Variants in NSG2 observed in about 807,000 individuals in gnomAD.
The protein encoded by NSG2 is neuronal vesicle trafficking-associated protein 2.
NSG2 carries 4 observed loss-of-function variants against 16.9 expected under a neutral mutation model. That is an observed-to-expected ratio of 0.24 (90% CI 0.12 to 0.54). The LOEUF (loss-of-function observed/expected upper bound fraction) is 0.54, where lower values mean the gene tolerates loss of function less well. NSG2 is among the 20% of genes least tolerant of loss of function. The pLI, the probability that NSG2 is intolerant of heterozygous loss-of-function variation, is 0.95. For synonymous variants in NSG2, 98 were observed against 88.7 expected (o/e 1.11, Z -0.59); for missense variants, 179 against 221.1 (o/e 0.81, Z 1.21).
rs1761011131 is a variant in NSG2, at chr5:174,107,860, A to C, written c.*355A>C. 1 of 427,000 alleles carries C rather than the reference A, an allele frequency of 2.3e-6. No individual in the cohort carries two copies. Among genetic ancestry groups the C allele is most frequent in the Non-Finnish European group, 4.6e-6 (1 of 217,626 alleles). 26.5% of individuals were successfully genotyped at this position (427,000 alleles called of 1,614,324 possible). A position where few individuals can be genotyped will look rare whatever the true frequency, so the allele number is the denominator to read the frequency against. Reference sequence around the variant, plus strand: ...ACAAAGAACATGAACAAAAAGCATTAAACTGGCTCCATCAGAAGACGTTGA... The same window carrying C: ...ACAAAGAACATGAACAAAAAGCATTCAACTGGCTCCATCAGAAGACGTTGA... On this transcript the variant is annotated 3_prime_UTR_variant, in exon 5 of 5. Transcript: ENST00000303177. The surrounding 1 kb of genome is among the most constrained non-coding windows in gnomAD (Gnocchi z 4.5).
intron 2 of NSG2, among the ~76,000 whole-genome samples, chr5:174,063,412 T>A (rs2113433560): frequency 6.6e-6 from 1 of 152,298 alleles, no homozygotes; most frequent in South Asian, 2.1e-4. Context: ...AATAAGATGA[T>A]ACAACAGATT....
At chr5:174,070,054 G>C (rs144569010) in intron 3 of NSG2, among the ~76,000 whole-genome samples, 1 of 151,634 alleles carries the variant, frequency 6.6e-6, no homozygotes, top group Non-Finnish European at 1.5e-5. Context: ...ATTTAAAAAG[G>C]TTTTTCTTTT....
At chr5:174,104,033 A>G (rs1760939974) in intron 3 of NSG2, among the ~76,000 whole-genome samples, 195 bp from the exon 4 acceptor site, 1 of 152,192 alleles carries the variant, frequency 6.6e-6, no homozygotes, top group Non-Finnish European at 1.5e-5. Flanking sequence ...GGAGCTTCAG[A>G]GATTATCCTG....
chr5:174,057,398 C>G (rs1041392636), intron 2 of NSG2, among the ~76,000 whole-genome samples: 4 of 152,192 alleles, frequency 2.6e-5, no homozygotes, highest in Non-Finnish European at 5.9e-5. Flanking sequence ...TTTCTTAATG[C>G]TTTCCCTTTC....
At chr5:174,079,243 C>T (rs1581230215) in intron 3 of NSG2, among the ~76,000 whole-genome samples, 1 of 146,902 alleles carries the variant, frequency 6.8e-6, no homozygotes, top group Admixed American at 6.7e-5. Context: ...GTCTTTCTCT[C>T]TCTTTCTCTC....
intron 3 of NSG2, among the ~76,000 whole-genome samples, chr5:174,097,749 G>A (rs1377491167): frequency 1.3e-5 from 2 of 150,998 alleles, no homozygotes; most frequent in East Asian, 3.9e-4. Flanking sequence ...GTCTGTGTGT[G>A]TGTCTGTGTC....
rs1197305438 is a variant in NSG2 at position 174,080,547 on chromosome 5, CTCTTTCTTT to C, written c.213+16259_213+16267del. 3.4e-3 allele frequency among the ~76,000 whole-genome samples: 475 copies of C among 141,108 alleles called. 1 individual carries two copies. Among genetic ancestry groups the C allele is most frequent in the Non-Finnish European group, 5.6e-3 (355 of 63,750 alleles). The allele number at this position is 141,108 out of a possible 152,430, so 92.6% of individuals were successfully genotyped here. ...TCTTTCTCTCTCTCTCTCTCTCTCTCTCTTTCTTTTCTTTCTTTTCTTTCTTTTCTTTCT... is the reference window on the plus strand; with the variant it reads ...TCTTTCTCTCTCTCTCTCTCTCTCTCTCTTTCTTTTCTTTCTTTTCTTTCT... On this transcript the variant is annotated intron_variant, in intron 3 of 4. Coordinates refer to ENST00000303177, the MANE Select transcript of NSG2 (RefSeq NM_015980.5).
At chr5:174,092,905 T>C (rs1581239651) in intron 3 of NSG2, among the ~76,000 whole-genome samples, 1 of 152,136 alleles carries the variant, frequency 6.6e-6, no homozygotes, top group African/African-American at 2.4e-5. Context: ...TCCATGTAGA[T>C]GGGAACAAGA....
At chr5:174,057,575 A>G (rs530803584) in intron 2 of NSG2, among the ~76,000 whole-genome samples, 13 of 152,332 alleles carry the variant, frequency 8.5e-5, no homozygotes, top group South Asian at 6.2e-4. Flanking sequence ...GTCCCCATGC[A>G]GTGTACCTTC....
At chr5:174,074,400 G>C (rs1267952682) in intron 3 of NSG2, among the ~76,000 whole-genome samples, 1 of 152,064 alleles carries the variant, frequency 6.6e-6, no homozygotes, top group Non-Finnish European at 1.5e-5. Flanking sequence ...CCTAGCTTGG[G>C]TCTCCAGTGG....
chr5:174,096,682 G>A (rs889271683), intron 3 of NSG2, among the ~76,000 whole-genome samples: 1 of 152,076 alleles, frequency 6.6e-6, no homozygotes, highest in Admixed American at 6.5e-5. Flanking sequence ...CCAGGGGAGA[G>A]GTGATGGTGG....
chr5:174,086,375 T>C (rs1352334896), intron 3 of NSG2: 3 of 152,222 alleles, frequency 2.0e-5, no homozygotes, highest in Non-Finnish European at 4.4e-5. Context: ...CTGGGAAACT[T>C]CATGTAATTT....
intron 3 of NSG2, among the ~76,000 whole-genome samples, chr5:174,097,402 C>A (rs1268810737): frequency 1.3e-5 from 2 of 151,568 alleles, no homozygotes; most frequent in African/African-American, 2.4e-5. Flanking sequence ...ACTACACCTG[C>A]ACACGGCACG....
chr5:174,058,505 G>A (rs1759999406), intron 2 of NSG2, among the ~76,000 whole-genome samples: 1 of 152,158 alleles, frequency 6.6e-6, no homozygotes, highest in African/African-American at 2.4e-5. Context: ...GAGGGGGCTT[G>A]TAGATGGAAA....
At chr5:174,049,135 C>T (rs557702463) in intron 2 of NSG2, among the ~76,000 whole-genome samples, 2 of 151,892 alleles carry the variant, frequency 1.3e-5, no homozygotes, top group East Asian at 1.9e-4. Context: ...GTCAGGAGAT[C>T]GAGACCATCC....
At chr5:174,068,391 A>G (rs1170531359) in intron 3 of NSG2, among the ~76,000 whole-genome samples, 1 of 152,232 alleles carries the variant, frequency 6.6e-6, no homozygotes, top group Non-Finnish European at 1.5e-5. Flanking sequence ...CATCAGGGTT[A>G]TGTGAGAAAA....
chr5:174,091,813 T>C (rs1483027043), intron 3 of NSG2, among the ~76,000 whole-genome samples: 1 of 152,206 alleles, frequency 6.6e-6, no homozygotes, highest in African/African-American at 2.4e-5. Flanking sequence ...CTTGCTTTAC[T>C]ACTAATTGGC....
chr5:174,064,437 A>C (rs1760108147), intron 3 of NSG2, 122 bp downstream of exon 3: 1 of 573,948 alleles, frequency 1.7e-6, no homozygotes, highest in Admixed American at 3.2e-5. Context: ...CTATTTCTGG[A>C]GGATTTCTTG....
At chr5:174,103,855 T>C (rs752722592) in intron 3 of NSG2, among the ~76,000 whole-genome samples, 15 of 152,044 alleles carry the variant, frequency 9.9e-5, no homozygotes, top group Non-Finnish European at 2.1e-4. Context: ...TCCCAGCTAC[T>C]CGGAAGGCTG....
Sources: allele counts gnomAD v4.1 joint callset (sites outside exome capture counted in the v4.1 genomes callset), GRCh38; gene constraint gnomAD v4.1.1; non-coding constraint Gnocchi (gnomAD v3.1); transcripts MANE v1.5; gene names NCBI Gene and HGNC (gene_info 2026-07-23, HGNC 2026-07-21).